NAALAD2: variants seen among roughly 807,000 people sequenced by gnomAD.
NAALAD2 encodes the protein N-acetylated-alpha-linked acidic dipeptidase 2.
NAALAD2 carries 89 observed loss-of-function variants against 95.6 expected under a neutral mutation model. The observed-to-expected ratio is 0.93, with a 90% CI of 0.78 to 1.11. NAALAD2 has a LOEUF of 1.11. Ranked by LOEUF, NAALAD2 falls within the 50% of genes least tolerant of loss-of-function variation. The pLI is 0.00. For missense variants in NAALAD2, 894 were observed against 872.4 expected (o/e 1.02, Z -0.31); for synonymous variants, 264 against 294.4 (o/e 0.90, Z 1.06).
upstream of NAALAD2, chr11:90,132,073 T>C (rs372662750): frequency 3.9e-5 from 6 of 152,572 alleles, no homozygotes; most frequent in South Asian, 2.1e-4. Context: ...TTAATTAACA[T>C]AGAATTTTGA....
intron 13 of NAALAD2, among the ~76,000 whole-genome samples, chr11:90,173,001 TAAAC>T (rs1952684666): frequency 6.6e-6 from 1 of 152,140 alleles, no homozygotes; most frequent in African/African-American, 2.4e-5. Context: ...ATCAGTGTTA[TAAAC>T]AAACAAGAAA....
At chr11:90,158,696 A>G (rs1952197797) in intron 7 of NAALAD2, 1 of 173,338 alleles carries the variant, frequency 5.8e-6, no homozygotes, top group South Asian at 1.5e-4. Context: ...GGTTATTATA[A>G]GATCATATGA....
In NAALAD2 at chr11:90,169,958, A is replaced by T; in HGVS notation, c.1343-111A>T. On this transcript the variant is annotated intron_variant, in intron 12 of 18. Coordinates refer to ENST00000534061, the MANE Select transcript of NAALAD2 (RefSeq NM_005467.4). ...TTATTCTTTGGGAATAAAATCTTTG[A>T]TTTGAAGATCATTATATCTTGTTTA... The T allele has an allele frequency of 4.0e-6, 3 of 744,766 alleles. No homozygotes were observed. In the Admixed American group the frequency reaches 6.5e-5, roughly 16 times the overall value. 46.1% of individuals were successfully genotyped at this position (744,766 alleles called of 1,614,324 possible).
intron 6 of NAALAD2, 80 bp downstream of exon 6, chr11:90,152,564 C>G: frequency 8.9e-7 from 1 of 1,120,946 alleles, no homozygotes; most frequent in Non-Finnish European, 1.3e-6. Context: ...CAAGCATGTT[C>G]AGAATAATAT....
Position 90,162,957 on chromosome 11 carries a change from G to C in NAALAD2, c.998G>C (p.Arg333Thr), listed in dbSNP as rs746572401. The change falls in exon 9 of 19, where the codon AGA becomes ACA. Residue 333 changes from arginine to threonine, a missense_variant. By Grantham distance (71) the Arg-to-Thr change is moderately conservative (BLOSUM62 -1). Coordinates refer to ENST00000534061, the MANE Select transcript of NAALAD2 (RefSeq NM_005467.4). ...TCCTTTTAAAATTCTAGGAAGGTTA[G>C]AATGCATGTTTATAACATCAATAAA... ...FTGSDSFRKVRMHVYNINKIT... is the reference protein window; with the variant it reads ...FTGSDSFRKVTMHVYNINKIT... The C allele has an allele frequency of 6.6e-7, 1 of 1,520,254 alleles. No individual in the cohort carries two copies. The highest frequency in any genetic ancestry group is 1.4e-5 in the African/African-American group (1 of 72,298). 94.2% of individuals were successfully genotyped at this position (1,520,254 alleles called of 1,614,324 possible).
At chr11:90,185,341 T>C (rs1857103822) in intron 18 of NAALAD2, among the ~76,000 whole-genome samples, 1 of 152,150 alleles carries the variant, frequency 6.6e-6, no homozygotes. Context: ...AAATAATGTA[T>C]GGGACCATAC....
intron 6 of NAALAD2, among the ~76,000 whole-genome samples, chr11:90,156,315 G>A (rs1237440168): frequency 6.6e-6 from 1 of 151,876 alleles, no homozygotes; most frequent in Non-Finnish European, 1.5e-5. Flanking sequence ...TCCTGCCTTG[G>A]CCTCCCAAAG....
At chr11:90,187,507 T>C (rs1267626687) in intron 18 of NAALAD2, among the ~76,000 whole-genome samples, 3 of 150,780 alleles carry the variant, frequency 2.0e-5, no homozygotes, top group Non-Finnish European at 4.5e-5. Flanking sequence ...CTTTATGGAT[T>C]GATATGACAT....
intron 18 of NAALAD2, among the ~76,000 whole-genome samples, chr11:90,189,195 A>C (rs1182480368): frequency 6.6e-6 from 1 of 152,148 alleles, no homozygotes; most frequent in Non-Finnish European, 1.5e-5. Flanking sequence ...TAGAAGCTAG[A>C]AAAGCAAGGA....
chr11:90,185,146 T>C (rs916239401), intron 18 of NAALAD2, among the ~76,000 whole-genome samples: 1 of 151,670 alleles, frequency 6.6e-6, no homozygotes, highest in Non-Finnish European at 1.5e-5. Context: ...TACTTACATA[T>C]ACATTTATAT....
chr11:90,166,743 G>A (rs112648190), intron 11 of NAALAD2, among the ~76,000 whole-genome samples: 2,082 of 151,870 alleles, frequency 0.014, 52 homozygotes, highest in African/African-American at 0.048. Context: ...GCTGAGGCAG[G>A]AGAATGGCGT....
At chr11:90,143,600 G>C (rs1160877234) in intron 2 of NAALAD2, among the ~76,000 whole-genome samples, 1 of 152,024 alleles carries the variant, frequency 6.6e-6, no homozygotes, top group South Asian at 2.1e-4. Context: ...AATTTAGAAA[G>C]GTCTTGTTTA....
intron 2 of NAALAD2, among the ~76,000 whole-genome samples, chr11:90,140,381 A>T (rs1483291745): frequency 1.3e-5 from 2 of 152,062 alleles, no homozygotes; most frequent in African/African-American, 2.4e-5. Context: ...TAATAGATTC[A>T]TGTTATTTTA....
intron 18 of NAALAD2, among the ~76,000 whole-genome samples, chr11:90,189,104 A>G (rs1475357491): frequency 6.6e-6 from 1 of 151,946 alleles, no homozygotes; most frequent in Admixed American, 6.6e-5. Flanking sequence ...GCAGGAGAGA[A>G]AGTTAGGGTG....
intron 6 of NAALAD2, among the ~76,000 whole-genome samples, chr11:90,155,398 A>T (rs1354845368): frequency 2.3e-5 from 2 of 88,514 alleles, no homozygotes; most frequent in Non-Finnish European, 3.8e-5. Flanking sequence ...GTAATATATA[A>T]TATATATAAT....
chr11:90,187,587 A>G (rs1051939791), intron 18 of NAALAD2, among the ~76,000 whole-genome samples: 16 of 152,260 alleles, frequency 1.1e-4, no homozygotes, highest in Non-Finnish European at 2.2e-4. Context: ...CCAGCTACCC[A>G]GAATTTCTCA....
At position 90,163,089 on chromosome 11, in the gene NAALAD2, T is replaced by A. The variant is rs1952342321; in HGVS notation, c.1075+55T>A. 39 of 1,358,922 alleles carry A rather than the reference T, an allele frequency of 2.9e-5. No individual in the cohort carries two copies. The South Asian group carries it at 4.8e-4, about 17-fold the overall frequency. 84.2% of individuals were successfully genotyped at this position (1,358,922 alleles called of 1,614,324 possible). ...GTTTTTACAAAAATTAAAGGGTAAG[T>A]AAAGATAAATTGTAGTCAACAATTG... On this transcript the variant is annotated intron_variant, in intron 9 of 18. Transcript: ENST00000534061.
At chr11:90,158,263 G>A (rs1305403442) in intron 7 of NAALAD2, 25 bp downstream of exon 7, 16 of 1,541,570 alleles carry the variant, frequency 1.0e-5, no homozygotes, top group Non-Finnish European at 1.3e-5. Context: ...TTGGATATGA[G>A]ATTAAGATAT....
chr11:90,155,753 ATATG>A (rs1345018901), intron 6 of NAALAD2, among the ~76,000 whole-genome samples: 4 of 120,986 alleles, frequency 3.3e-5, no homozygotes, highest in Non-Finnish European at 6.5e-5. Context: ...GTATTATTAC[ATATG>A]TATGTATTAT....
Sources: allele counts gnomAD v4.1 joint callset (sites outside exome capture counted in the v4.1 genomes callset), GRCh38; gene constraint gnomAD v4.1.1; transcripts MANE v1.5; gene names NCBI Gene and HGNC (gene_info 2026-07-23, HGNC 2026-07-21).